Variants in GMDS observed in about 807,000 individuals in gnomAD.
The protein encoded by GMDS is GDP-mannose 4,6 dehydratase.
Under a neutral mutation model 49.9 loss-of-function variants are expected in GMDS, and 20 were observed. That is an observed-to-expected ratio of 0.40 (90% CI 0.28 to 0.58). The LOEUF (loss-of-function observed/expected upper bound fraction) is 0.58, where lower values mean the gene tolerates loss of function less well. Among genes scored for constraint, GMDS ranks in the 20% least tolerant of loss-of-function variants. The pLI, the probability that GMDS is intolerant of heterozygous loss-of-function variation, is 0.42. For missense variants in GMDS, 362 were observed against 481.4 expected (o/e 0.75, Z 2.32); for synonymous variants, 177 against 178.6 (o/e 0.99, Z 0.07).
chr6:1,682,130 C>A (rs1764811253), intron 9 of GMDS, among the ~76,000 whole-genome samples: 2 of 152,134 alleles, frequency 1.3e-5, no homozygotes, highest in Admixed American at 6.5e-5. Flanking sequence ...CTTTTCCTCC[C>A]AAAACTTTGA....
chr6:2,078,368 T>G (rs547739935), intron 4 of GMDS, among the ~76,000 whole-genome samples: 1 of 152,132 alleles, frequency 6.6e-6, no homozygotes, highest in Non-Finnish European at 1.5e-5. Context: ...CATTAGATTG[T>G]TTATTTAAAC....
At chr6:2,023,715 AT>A (rs1296696657) in intron 4 of GMDS, among the ~76,000 whole-genome samples, 3 of 152,238 alleles carry the variant, frequency 2.0e-5, no homozygotes, top group African/African-American at 7.2e-5. Context: ...CACAAAAATT[AT>A]CCCCAAATGG....
chr6:2,028,193 C>G (rs1181156323), intron 4 of GMDS, among the ~76,000 whole-genome samples: 1 of 152,162 alleles, frequency 6.6e-6, no homozygotes, highest in African/African-American at 2.4e-5. Flanking sequence ...GCGCCTCATT[C>G]CATTTAGTTT....
chr6:1,924,669 G>A (rs1271999349), intron 7 of GMDS, among the ~76,000 whole-genome samples: 1 of 152,192 alleles, frequency 6.6e-6, no homozygotes, highest in East Asian at 1.9e-4. Context: ...GAACTCAATA[G>A]AATACATGTT....
chr6:1,903,537 T>C (rs1471773392), intron 7 of GMDS, among the ~76,000 whole-genome samples: 1 of 152,240 alleles, frequency 6.6e-6, no homozygotes, highest in Non-Finnish European at 1.5e-5. Context: ...CTAAACAATT[T>C]ACAGGTTCAG....
chr6:1,688,185 G>A (rs1319286523), intron 9 of GMDS, among the ~76,000 whole-genome samples: 1 of 152,170 alleles, frequency 6.6e-6, no homozygotes, highest in East Asian at 1.9e-4. Flanking sequence ...TGTGGGGTGT[G>A]AGAGAGGGAG....
intron 1 of GMDS, among the ~76,000 whole-genome samples, chr6:2,184,591 T>A (rs867070669): frequency 2.6e-5 from 4 of 152,352 alleles, no homozygotes; most frequent in Middle Eastern, 3.4e-3. Context: ...TACATAGCTA[T>A]CATTCCCTGT....
chr6:1,985,899 C>A (rs1433162698), intron 4 of GMDS, among the ~76,000 whole-genome samples: 3 of 152,152 alleles, frequency 2.0e-5, no homozygotes, highest in African/African-American at 4.8e-5. Context: ...GGAAAATGGG[C>A]AAGTCAGAAT....
chr6:2,051,878 GGA>G (rs986148385), intron 4 of GMDS, among the ~76,000 whole-genome samples: 1 of 152,046 alleles, frequency 6.6e-6, no homozygotes, highest in African/African-American at 2.4e-5. Context: ...CAGCACTTTG[GGA>G]GGCCTAGGCG....
chr6:1,976,431 G>A (rs1333795576), intron 4 of GMDS, among the ~76,000 whole-genome samples: 2 of 152,226 alleles, frequency 1.3e-5, no homozygotes, highest in South Asian at 2.1e-4. Flanking sequence ...ACACAGCAAT[G>A]TTTCTTGAGG....
rs557754320 is a variant in GMDS at position 2,135,981 on chromosome 6, G to A, written c.103-11250C>T. Among the ~76,000 whole-genome samples, 6 of 152,256 alleles carry A rather than the reference G, an allele frequency of 3.9e-5. No individual in the cohort carries two copies. The South Asian group carries it at 1.2e-3, about 32-fold the overall frequency. The stretch of plus-strand genomic sequence containing the variant: ...TACTTGCACAAACCTAGGTAGTAGA[G>A]CCAACTACATACCTAGGATATATGA... On this transcript the variant is annotated intron_variant, in intron 1 of 10. Transcript: ENST00000380815.
At chr6:1,973,388 C>CT (rs1332215192) in intron 4 of GMDS, among the ~76,000 whole-genome samples, 1 of 152,138 alleles carries the variant, frequency 6.6e-6, no homozygotes, top group Non-Finnish European at 1.5e-5. Context: ...TCCCCAAGCT[C>CT]TGTTGGCAGA....
chr6:1,723,889 G>T (rs1766482360), intron 9 of GMDS, among the ~76,000 whole-genome samples: 2 of 152,096 alleles, frequency 1.3e-5, no homozygotes, highest in Non-Finnish European at 2.9e-5. Flanking sequence ...AATGGCTCTA[G>T]ACCATTGGCT....
intron 9 of GMDS, among the ~76,000 whole-genome samples, chr6:1,715,146 T>A (rs1019384369): frequency 6.6e-6 from 1 of 152,156 alleles, no homozygotes; most frequent in Non-Finnish European, 1.5e-5. Context: ...TGAAAAGACA[T>A]GTATAGAGGT....
intron 1 of GMDS, among the ~76,000 whole-genome samples, chr6:2,161,034 C>T (rs368664920): frequency 5.9e-5 from 9 of 151,382 alleles, no homozygotes; most frequent in Middle Eastern, 3.4e-3. Flanking sequence ...TTTTTTGAGA[C>T]GGAGTCTCTC....
intron 4 of GMDS, among the ~76,000 whole-genome samples, chr6:2,005,590 C>G (rs895413816): frequency 6.6e-6 from 1 of 152,190 alleles, no homozygotes; most frequent in Non-Finnish European, 1.5e-5. Context: ...ACTCGACTCA[C>G]TCTATCAGGA....
In GMDS at chr6:1,671,350, C is replaced by T. The variant is rs139224958; in HGVS notation, c.988-46810G>A. 4.3e-3 allele frequency among the ~76,000 whole-genome samples: 656 copies of T among 152,250 alleles called. 5 individuals are homozygous for T. Among genetic ancestry groups the T allele is most frequent in the African/African-American group, 0.015 (619 of 41,510 alleles). ...AGGAAGCAGCGACTGAAGACTGCTCCCCTGCTGGGGTGCTCTCTGGGAAGC... is the reference window on the plus strand; with the variant it reads ...AGGAAGCAGCGACTGAAGACTGCTCTCCTGCTGGGGTGCTCTCTGGGAAGC... On this transcript the variant is annotated intron_variant, in intron 9 of 10. Transcript: ENST00000380815.
chr6:1,874,615 C>A (rs951936615), intron 7 of GMDS, among the ~76,000 whole-genome samples: 10 of 152,028 alleles, frequency 6.6e-5, no homozygotes, highest in Admixed American at 3.9e-4. Context: ...ATGTCAGTAA[C>A]CCTTTAAAAA....
intron 4 of GMDS, among the ~76,000 whole-genome samples, chr6:1,970,943 T>C (rs1764571036): frequency 7.3e-6 from 1 of 136,928 alleles, no homozygotes; most frequent in Non-Finnish European, 1.5e-5. Flanking sequence ...CCTACACACG[T>C]ATCCCAGACT....
Sources: allele counts gnomAD v4.1 joint callset (sites outside exome capture counted in the v4.1 genomes callset), GRCh38; gene constraint gnomAD v4.1.1; transcripts MANE v1.5; gene names NCBI Gene and HGNC (gene_info 2026-07-23, HGNC 2026-07-21).